Variants in TAOK3 observed in about 807,000 individuals in gnomAD.
TAOK3 encodes TAO kinase 3, also known as serine/threonine-protein kinase TAO3.
Under a neutral mutation model 120.4 loss-of-function variants are expected in TAOK3, and 40 were observed. That is an observed-to-expected ratio of 0.33 (90% CI 0.26 to 0.43). The LOEUF is 0.43. TAOK3 is among the 20% of genes least tolerant of loss of function. The pLI is 1.00. For synonymous variants in TAOK3, 355 were observed against 387.5 expected (o/e 0.92, Z 0.99); for missense variants, 821 against 1,112.1 (o/e 0.74, Z 3.72).
chr12:118,340,166 A>G (rs1323525052), intron 1 of TAOK3, among the ~76,000 whole-genome samples: 2 of 152,170 alleles, frequency 1.3e-5, no homozygotes, highest in Non-Finnish European at 2.9e-5. Context: ...CTTTCCACAT[A>G]TTTCTGTGTA....
intron 9 of TAOK3, among the ~76,000 whole-genome samples, chr12:118,218,491 C>A (rs1343571931): frequency 6.6e-6 from 1 of 152,054 alleles, no homozygotes; most frequent in African/African-American, 2.4e-5. Context: ...TACTTTAAAT[C>A]ATCTCTAGAT....
At chr12:118,221,194 C>T (rs534800574) in intron 9 of TAOK3, among the ~76,000 whole-genome samples, 6 of 152,114 alleles carry the variant, frequency 3.9e-5, no homozygotes, top group Non-Finnish European at 7.4e-5. Flanking sequence ...TTTGTCAATA[C>T]TTATTGTAGA....
Position 118,233,733 on chromosome 12 carries a change from T to G in TAOK3, c.584A>C (p.Glu195Ala). ...MAPEVILAMD[E>A]GQYDGKVDIW... is the part of the protein sequence containing the mutation. ...ATCAACTTTCCCATCATACTGTCCT[T>G]CATCCATAGCTAAGATCACCTCTGG... Residue 195 changes from glutamate (E) to alanine (A), a missense_variant, in exon 9 of 21, where the codon GAA becomes GCA. Around this residue, in one of 2 missense-constraint regions of TAOK3, gnomAD observed 467 missense variants for 540.0 expected, o/e 0.86. Transcript: ENST00000392533. 1.2e-6 allele frequency: 2 copies of G among 1,608,532 alleles called. No individual in the cohort carries two copies. Among genetic ancestry groups the G allele is most frequent in the Non-Finnish European group, 1.7e-6 (2 of 1,177,756 alleles).
intron 1 of TAOK3, among the ~76,000 whole-genome samples, chr12:118,351,397 C>T (rs2045146659): frequency 6.6e-6 from 1 of 152,088 alleles, no homozygotes; most frequent in Non-Finnish European, 1.5e-5. Flanking sequence ...CAAGGCCTGA[C>T]CCGAGTAGAT....
chr12:118,326,484 T>C (rs1019609143), intron 1 of TAOK3, among the ~76,000 whole-genome samples: 3 of 152,174 alleles, frequency 2.0e-5, no homozygotes, highest in African/African-American at 7.2e-5. Context: ...TCTGGCTCTT[T>C]AGTGGCTGCA....
At chr12:118,193,053 T>TTTTG (rs1231473155) in intron 13 of TAOK3, among the ~76,000 whole-genome samples, 1 of 145,068 alleles carries the variant, frequency 6.9e-6, no homozygotes. Context: ...GTTGTTGTTT[T>TTTTG]TTTTTTTTTT....
chr12:118,182,599 G>GTGTATATATATATATA (rs1440847647), intron 14 of TAOK3, among the ~76,000 whole-genome samples: 2 of 93,902 alleles, frequency 2.1e-5, no homozygotes, highest in Admixed American at 1.3e-4. Context: ...GTGTGTGTGT[G>GTGTATATATATATATA]TATATATATA....
At chr12:118,233,446 T>C (rs7977403) in intron 9 of TAOK3, among the ~76,000 whole-genome samples, 18,362 of 151,034 alleles carry the variant, frequency 0.12, 1,198 homozygotes, top group Middle Eastern at 0.15. Context: ...CATAAATAAA[T>C]AAATAAAAAT....
intron 1 of TAOK3, among the ~76,000 whole-genome samples, chr12:118,366,387 A>T (rs1378653748): frequency 1.3e-5 from 2 of 152,252 alleles, no homozygotes; most frequent in Non-Finnish European, 2.9e-5. Context: ...TTCTGTCTTG[A>T]TTAGTGCCAT....
rs539247810 is a variant in TAOK3 at position 118,151,120 on chromosome 12, G to T, written c.2574C>A (p.Ser858Arg). The change falls in exon 21 of 21, where the codon AGC becomes AGA. Residue 858 changes from serine to arginine, a missense_variant. By Grantham distance (110) the Ser-to-Arg change is moderately radical (BLOSUM62 -1). Transcript: ENST00000392533. ...TTTCCAATAGGTTCTTTATTCTCTC[G>T]CTGCGTTCCTTCTGAAGGGCAGCCA... ...EELAALQKER[S>R]ERIKNLLERQ... 10 of 1,612,910 alleles carry T rather than the reference G, an allele frequency of 6.2e-6. No homozygotes were observed. The highest frequency in any genetic ancestry group is 2.2e-5 in the East Asian group (1 of 44,880).
intron 3 of TAOK3, 23 bp downstream of exon 3, chr12:118,255,424 TA>T: frequency 6.2e-7 from 1 of 1,613,338 alleles, no homozygotes. Context: ...CTGATCTATC[TA>T]AAAGACTCTT....
At chr12:118,363,363 T>C (rs1166606252) in intron 1 of TAOK3, among the ~76,000 whole-genome samples, 1 of 152,182 alleles carries the variant, frequency 6.6e-6, no homozygotes, top group Non-Finnish European at 1.5e-5. Flanking sequence ...CTAAAGTATT[T>C]AAATTTCCAT....
intron 9 of TAOK3, among the ~76,000 whole-genome samples, chr12:118,223,017 A>T (rs1257957196): frequency 6.6e-6 from 1 of 151,954 alleles, no homozygotes; most frequent in African/African-American, 2.4e-5. Flanking sequence ...GCCTATCTTT[A>T]GATAAACACT....
chr12:118,243,570 A>T, intron 4 of TAOK3, 54 bp from the exon 5 acceptor site: 2 of 696,026 alleles, frequency 2.9e-6, no homozygotes, highest in Non-Finnish European at 4.6e-6. Context: ...GGAAAATAGT[A>T]TTTCCTATCA....
chr12:118,231,208 T>A (rs1296686177), intron 9 of TAOK3, among the ~76,000 whole-genome samples: 1 of 152,152 alleles, frequency 6.6e-6, no homozygotes, highest in Non-Finnish European at 1.5e-5. Context: ...AATAAAGTGG[T>A]TCCCTGCGTG....
chr12:118,155,025 C>T (rs1266275697), intron 19 of TAOK3, among the ~76,000 whole-genome samples: 1 of 151,782 alleles, frequency 6.6e-6, no homozygotes, highest in African/African-American at 2.4e-5. Context: ...GAGATGGAGT[C>T]TCACTCTGTC....
At position 118,184,589 on chromosome 12, in the gene TAOK3, C is replaced by T. The variant is rs145348773; in HGVS notation, c.1330-2982G>A. The stretch of plus-strand genomic sequence containing the variant: ...TATCACCAAGGCAGAAAAAGAGTGA[C>T]TATTTTCTGTTATAAAGTAATAGAG... On this transcript the variant is annotated intron_variant, in intron 14 of 20. Coordinates refer to ENST00000392533, the MANE Select transcript of TAOK3 (RefSeq NM_016281.4). Among the ~76,000 whole-genome samples, 102 of 152,188 alleles carry T rather than the reference C, an allele frequency of 6.7e-4. 1 individual carries two copies. The East Asian group carries it at 0.019, about 29-fold the overall frequency.
chr12:118,342,769 A>G (rs559853731), intron 1 of TAOK3, among the ~76,000 whole-genome samples: 1 of 152,162 alleles, frequency 6.6e-6, no homozygotes, highest in Admixed American at 6.5e-5. Context: ...CCCTGTCTTT[A>G]CAAAAAATAC....
At chr12:118,185,454 C>G (rs1255506912) in intron 14 of TAOK3, among the ~76,000 whole-genome samples, 1 of 151,970 alleles carries the variant, frequency 6.6e-6, no homozygotes. Context: ...GAGATCAAAG[C>G]CAACTTACAA....
Sources: gnomAD v4.1 joint callset for allele counts (sites outside exome capture counted in the v4.1 genomes callset) on GRCh38, gnomAD v4.1.1 for gene constraint, gnomAD v4.1.1 regional missense constraint, MANE v1.5 for transcripts, NCBI Gene and HGNC (gene_info 2026-07-23, HGNC 2026-07-21) for gene names.